NOTCH3: variants seen among roughly 807,000 people sequenced by gnomAD.
NOTCH3 encodes the protein notch receptor 3, also known as neurogenic locus notch homolog protein 3.
Under a neutral mutation model 213.3 loss-of-function variants are expected in NOTCH3, and 86 were observed. The ratio of observed to expected loss-of-function variants is 0.40; its 90% confidence interval spans 0.34 to 0.48. NOTCH3 has a LOEUF of 0.48. NOTCH3 is among the 20% of genes least tolerant of loss of function. NOTCH3 has a pLI of 0.57. For synonymous variants in NOTCH3, 1,354 were observed against 1,355.9 expected (o/e 1.00, Z 0.03); for missense variants, 2,783 against 3,272.6 (o/e 0.85, Z 3.65).
intron 2 of NOTCH3, among the ~76,000 whole-genome samples, chr19:15,193,863 C>T (rs2046950516): frequency 6.6e-6 from 1 of 151,158 alleles, no homozygotes; most frequent in African/African-American, 2.4e-5. Flanking sequence ...GTGGGCGGAT[C>T]ACGAGGTCAG....
At chr19:15,184,155 G>T (rs181739504) in intron 16 of NOTCH3, 140 bp downstream of exon 16, 4 of 857,704 alleles carry the variant, frequency 4.7e-6, no homozygotes, top group Non-Finnish European at 7.5e-6. Flanking sequence ...AACCTCCTCG[G>T]GCCTCAGTTT....
At chr19:15,183,078 C>T (rs2046853108) in intron 16 of NOTCH3, among the ~76,000 whole-genome samples, 1 of 152,040 alleles carries the variant, frequency 6.6e-6, no homozygotes, top group Non-Finnish European at 1.5e-5. Flanking sequence ...CAGTGAGACC[C>T]CATCTCTACA....
In NOTCH3 at chr19:15,160,959, C is replaced by T. The variant is rs191173559; in HGVS notation, c.6669G>A (p.Ala2223=). Residue 2223 remains alanine, a synonymous_variant, in exon 33 of 33, where the codon GCG becomes GCA. Coordinates refer to ENST00000263388, the MANE Select transcript of NOTCH3 (RefSeq NM_000435.3). The stretch of plus-strand genomic sequence containing the variant: ...TTGGGGGGCTGCTGTGTGCCCCAGC[C>T]GCCGGGTACTCCTCGCCATGTCCTG... ...AVPGHGEEYP[A]AGAHSSPPKA... 5.7e-6 allele frequency: 9 copies of T among 1,584,588 alleles called. No homozygotes were observed. Among genetic ancestry groups the T allele is most frequent in the East Asian group, 2.3e-5 (1 of 43,546 alleles).
At chr19:15,169,961 G>T (rs1455187969) in intron 28 of NOTCH3, 125 bp downstream of exon 28, 4 of 654,258 alleles carry the variant, frequency 6.1e-6, no homozygotes, top group Non-Finnish European at 1.1e-5. Context: ...ACTATTCTCT[G>T]GAGCTAGGGA....
rs1599358458 is a variant in NOTCH3, at chr19:15,160,500, G to C, written c.*162C>G. ...TAAATAAAGGAAGACTGAAGCCCTG[G>C]GCTGATGACCTATCTCGGTCACGCT... On this transcript the variant is annotated 3_prime_UTR_variant, in exon 33 of 33. Transcript: ENST00000263388. 4.2e-6 allele frequency: 3 copies of C among 721,178 alleles called. No homozygotes were observed. The Admixed American group carries it at 6.1e-5, about 15-fold the overall frequency. 44.7% of individuals were successfully genotyped at this position (721,178 alleles called of 1,614,324 possible).
intron 1 of NOTCH3, among the ~76,000 whole-genome samples, chr19:15,199,246 A>C (rs1036811154): frequency 6.6e-6 from 1 of 152,146 alleles, no homozygotes; most frequent in Non-Finnish European, 1.5e-5. Context: ...CATGCATGTC[A>C]GCGTGGGTGT....
chr19:15,191,999 G>C lies in NOTCH3; in HGVS notation c.640C>G (p.Gln214Glu), dbSNP rs1191007031. The change falls in exon 4 of 33, where the codon CAG (glutamine) becomes GAG (glutamate). Residue 214 changes from glutamine (Q) to glutamate (E), a missense_variant. Gln to Glu is a conservative substitution (Grantham distance 29). Coordinates refer to ENST00000263388, the MANE Select transcript of NOTCH3 (RefSeq NM_000435.3). ...CAGTCGTAAGTGAGGTCGCCACTCT[G>C]CCTGCAGGTGCCCCCGTTACGGCAT... The part of the protein sequence containing the change: ...SPCRNGGTCR[Q>E]SGDLTYDCAC... 3 of 1,613,350 alleles carry C rather than the reference G, an allele frequency of 1.9e-6. No individual in the cohort carries two copies. The South Asian group carries it at 3.3e-5, about 18-fold the overall frequency.
At chr19:15,197,450 C>CCCCCCCCCCCCCCCA in intron 2 of NOTCH3, 50 bp downstream of exon 2, 1 of 890,774 alleles carries the variant, frequency 1.1e-6, no homozygotes, top group Non-Finnish European at 1.9e-6. Context: ...CGCCCCTCCC[C>CCCCCCCCCCCCCCCA]CCCGCCCCCA....
At chr19:15,200,730 G>A in intron 1 of NOTCH3, 58 bp downstream of exon 1, 1 of 1,193,908 alleles carries the variant, frequency 8.4e-7, no homozygotes, top group Non-Finnish European at 1.0e-6. Flanking sequence ...CGGCCTTGGG[G>A]GTTCTTGCAC....
Position 15,189,274 on chromosome 19 carries a change from G to A in NOTCH3, c.1191C>T (p.Ile397=), listed in dbSNP as rs144214159. ...CACAGACGATGGAGCTCCCCTCACC[G>A]ATAGAGCACTCGTCCACATCCTGGT... The part of the protein sequence containing the change: ...ACDQDVDECS[I]GANPCEHLGR... Residue 397 remains isoleucine, a splice_region_variant and synonymous_variant, in exon 7 of 33, where the codon ATC becomes ATT. Transcript: ENST00000263388. The A allele has an allele frequency of 1.4e-4, 218 of 1,613,878 alleles. No individual in the cohort carries two copies. Among genetic ancestry groups the A allele is most frequent in the Non-Finnish European group, 1.8e-4 (211 of 1,180,022 alleles).
chr19:15,193,269 C>A (rs1281636290), intron 2 of NOTCH3, among the ~76,000 whole-genome samples: 1 of 150,988 alleles, frequency 6.6e-6, no homozygotes, highest in Non-Finnish European at 1.5e-5. Context: ...CGGAGTCTTG[C>A]TCTGTCACCC....
chr19:15,189,536 G>A, intron 6 of NOTCH3, 108 bp from the exon 7 acceptor site: 1 of 1,417,846 alleles, frequency 7.1e-7, no homozygotes, highest in South Asian at 1.2e-5. Context: ...TTTGTTTTTT[G>A]AGACGAAGTT....
intron 10 of NOTCH3, 137 bp downstream of exon 10, chr19:15,187,744 C>G: frequency 1.3e-6 from 1 of 743,182 alleles, no homozygotes; most frequent in South Asian, 1.5e-5. Context: ...GCATTATTGG[C>G]TCCACCCCCC....
In NOTCH3 at chr19:15,184,444, C is replaced by T. The variant is rs752312396; in HGVS notation, c.2417G>A (p.Arg806Gln). ...CSCPQGWQGP[R>Q]CQQDVDECAG... ...ACACTCGTCCACATCCTGCTGGCAT[C>T]GTGGGCCTGGGGGTAGGGAGCAAGG... is the stretch of plus-strand genomic sequence containing the variant. The change falls in exon 16 of 33, where the codon CGA becomes CAA. Residue 806 changes from arginine to glutamine, a missense_variant. Physicochemically the swap from Arg to Gln is conservative, Grantham distance 43. This residue lies in a region of NOTCH3 where 861 missense variants were observed against 909.1 expected (regional missense o/e 0.95). Coordinates refer to ENST00000263388, the MANE Select transcript of NOTCH3 (RefSeq NM_000435.3). The T allele has an allele frequency of 1.9e-6, 3 of 1,613,758 alleles. No individual in the cohort carries two copies. Among genetic ancestry groups the T allele is most frequent in the South Asian group, 2.2e-5 (2 of 91,072 alleles).
At chr19:15,166,254 C>T (rs80353222) in intron 29 of NOTCH3, among the ~76,000 whole-genome samples, 163 bp from the exon 30 acceptor site, 117 of 152,236 alleles carry the variant, frequency 7.7e-4, no homozygotes, top group Middle Eastern at 3.4e-3. Flanking sequence ...TTCGTGGGCA[C>T]GTGATTTGTC....
At chr19:15,189,510 G>C in intron 6 of NOTCH3, 82 bp from the exon 7 acceptor site, 1 of 1,526,548 alleles carries the variant, frequency 6.6e-7, no homozygotes, top group Non-Finnish European at 9.0e-7. Context: ...TTGTTTTGTC[G>C]TTGTTGTTGT....
chr19:15,198,582 C>T (rs575859701), intron 1 of NOTCH3, among the ~76,000 whole-genome samples: 1 of 152,316 alleles, frequency 6.6e-6, no homozygotes, highest in African/African-American at 2.4e-5. Context: ...GAAACCCAGT[C>T]TGTTCTAAAA....
chr19:15,179,274 A>G lies in NOTCH3; in HGVS notation c.3469T>C (p.Cys1157Arg). Reference sequence around the variant, plus strand: ...CCGCAGTCATCCTCATTAATCTCGCAGAGCACCCCTGGGGGAAGAAACGAG... The same window carrying G: ...CCGCAGTCATCCTCATTAATCTCGCGGAGCACCCCTGGGGGAAGAAACGAG... ...SCPPGTLGVL[C>R]EINEDDCGPG... Residue 1157 changes from cysteine to arginine, a missense_variant, in exon 22 of 33, where the codon TGC becomes CGC. By Grantham distance (180) the Cys-to-Arg change is radical (BLOSUM62 -3). Coordinates refer to ENST00000263388, the MANE Select transcript of NOTCH3 (RefSeq NM_000435.3). The G allele has an allele frequency of 6.2e-7, 1 of 1,613,980 alleles. No individual in the cohort carries two copies. Among genetic ancestry groups the G allele is most frequent in the Non-Finnish European group, 8.5e-7 (1 of 1,180,026 alleles).
Position 15,161,406 on chromosome 19 carries a change from C to T in NOTCH3, c.6222G>A (p.Pro2074=), listed in dbSNP as rs764753278. 175 of 1,523,816 alleles carry T rather than the reference C, an allele frequency of 1.1e-4. 1 individual carries two copies. In the South Asian group the frequency reaches 1.2e-3, roughly 10 times the overall value. The allele number at this position is 1,523,816 out of a possible 1,614,324, so 94.4% of individuals were successfully genotyped here. ...TCTTGCCCCGCCCCCGGGGCCCCTG[C>T]GGCCCCAGCCCCGCCTTCCCGGGGG... ...RRPPGKAGLG[P]QGPRGRGKKL... Residue 2074 remains proline (P), a synonymous_variant, in exon 33 of 33, where the codon CCG becomes CCA. Coordinates refer to ENST00000263388, the MANE Select transcript of NOTCH3 (RefSeq NM_000435.3).
Sources: gnomAD v4.1 joint callset for allele counts (sites outside exome capture counted in the v4.1 genomes callset) on GRCh38, gnomAD v4.1.1 for gene constraint, gnomAD v4.1.1 regional missense constraint, MANE v1.5 for transcripts, NCBI Gene and HGNC (gene_info 2026-07-23, HGNC 2026-07-21) for gene names.